CCNYL1: variants seen among roughly 807,000 people sequenced by gnomAD.
The protein encoded by CCNYL1 is cyclin Y like 1.
CCNYL1 carries 16 observed loss-of-function variants against 44.2 expected under a neutral mutation model. The observed-to-expected ratio is 0.36, with a 90% confidence interval of 0.25 to 0.55. The LOEUF (loss-of-function observed/expected upper bound fraction) is 0.55, where lower values mean the gene tolerates loss of function less well. Among genes scored for constraint, CCNYL1 ranks in the 20% least tolerant of loss-of-function variants. The pLI is 0.85. For synonymous variants in CCNYL1, 159 were observed against 163.2 expected, an observed-to-expected ratio of 0.97 and a Z score of 0.20; for missense variants, 348 against 451.8, an observed-to-expected ratio of 0.77 and a Z score of 2.08.
At chr2:207,714,312 C>CTT (rs60004559) in intron 1 of CCNYL1, 4,018 of 308,620 alleles carry the variant, frequency 0.013, 2 homozygotes, top group South Asian at 0.016. Context: ...ACTTACATCT[C>CTT]TTTTTTTTTT....
chr2:207,720,604 G>T (rs1456213879), intron 1 of CCNYL1, among the ~76,000 whole-genome samples: 1 of 151,838 alleles, frequency 6.6e-6, no homozygotes, highest in Non-Finnish European at 1.5e-5. Flanking sequence ...TAGAGATGGG[G>T]GTCTCACTAT....
intron 1 of CCNYL1, among the ~76,000 whole-genome samples, chr2:207,718,339 C>T (rs949458630): frequency 5.3e-5 from 8 of 152,168 alleles, no homozygotes; most frequent in Admixed American, 3.3e-4. Context: ...TGCTGAGACC[C>T]TGCCTCTACA....
At chr2:207,733,796 A>G in intron 3 of CCNYL1, 151 bp from the exon 4 acceptor site, 2 of 520,938 alleles carry the variant, frequency 3.8e-6, no homozygotes, top group East Asian at 3.0e-5. Flanking sequence ...TGGGTTTCCC[A>G]TAGAGCTGCA....
intron 1 of CCNYL1, among the ~76,000 whole-genome samples, chr2:207,719,457 C>T (rs757745230): frequency 3.4e-4 from 51 of 151,810 alleles, no homozygotes; most frequent in Non-Finnish European, 6.2e-4. Context: ...TGTGCCACCA[C>T]GCCCAGCTAA....
chr2:207,734,869 A>G (rs368982125), intron 4 of CCNYL1, among the ~76,000 whole-genome samples: 1 of 152,166 alleles, frequency 6.6e-6, no homozygotes, highest in Admixed American at 6.5e-5. Flanking sequence ...ACTTAAAACA[A>G]TAGTTGAAAT....
chr2:207,714,975 A>G (rs2091582229), intron 1 of CCNYL1, among the ~76,000 whole-genome samples: 1 of 152,204 alleles, frequency 6.6e-6, no homozygotes. Context: ...TCTTACTGAG[A>G]TGTAAAACAT....
chr2:207,747,496 A>C (rs2091862403), intron 8 of CCNYL1, among the ~76,000 whole-genome samples: 1 of 145,124 alleles, frequency 6.9e-6, no homozygotes, highest in South Asian at 2.3e-4. Context: ...TTTTTGGCAA[A>C]AATCTTACAA....
At chr2:207,724,363 C>G (rs2091663924) in intron 1 of CCNYL1, among the ~76,000 whole-genome samples, 1 of 152,194 alleles carries the variant, frequency 6.6e-6, no homozygotes, top group Non-Finnish European at 1.5e-5. Flanking sequence ...CCAAAAACAA[C>G]TCTTTGTTTT....
At position 207,755,966 on chromosome 2, in the gene CCNYL1, A is replaced by G. The variant is rs1321891016; in HGVS notation, c.*2268A>G. The G allele has an allele frequency of 1.3e-5, 2 of 152,262 alleles. No homozygotes were observed. Among genetic ancestry groups the G allele is most frequent in the East Asian group, 3.9e-4 (2 of 5,190 alleles). 9.4% of individuals were successfully genotyped at this position (152,262 alleles called of 1,614,324 possible). A position where few individuals can be genotyped will look rare whatever the true frequency, so the allele number is the denominator to read the frequency against. The stretch of plus-strand genomic sequence containing the variant: ...ATCATATTGTGCTGCAGTTTCCATC[A>G]TTTTTAAAGGACAGAGACATAAATG... On this transcript the variant is annotated 3_prime_UTR_variant, in exon 10 of 10. Transcript: ENST00000295414.
At position 207,729,256 on chromosome 2, in the gene CCNYL1, CCCCGCCCCCACCCCACCCCCCCCA is replaced by C. The variant is rs1401135924; in HGVS notation, c.330+2384_330+2407del. Among the ~76,000 whole-genome samples, 203 of 102,628 alleles carry C rather than the reference CCCCGCCCCCACCCCACCCCCCCCA, an allele frequency of 2.0e-3. 3 individuals are homozygous for C. Among genetic ancestry groups the C allele is most frequent in the South Asian group, 3.8e-3 (7 of 1,862 alleles). The allele number at this position is 102,628 out of a possible 152,430, so 67.3% of individuals were successfully genotyped here. ...TTGATCTTTACTTGTCTCCGCCCCC[CCCCGCCCCCACCCCACCCCCCCCA>C]CCCCCCCGCACTCTCCCATTTTCTA... On this transcript the variant is annotated intron_variant, in intron 3 of 9. Transcript: ENST00000295414.
intron 1 of CCNYL1, 65 bp downstream of exon 1, chr2:207,712,181 C>A: frequency 7.2e-7 from 1 of 1,384,088 alleles, no homozygotes. Flanking sequence ...CCCCAGAGTC[C>A]CCCGGGAGGC....
At chr2:207,736,773 A>T (rs1292733358) in intron 4 of CCNYL1, among the ~76,000 whole-genome samples, 4 of 152,210 alleles carry the variant, frequency 2.6e-5, no homozygotes, top group Admixed American at 2.0e-4. Context: ...AAAACCAAAT[A>T]GTTTAAATTT....
intron 8 of CCNYL1, chr2:207,750,672 A>G: frequency 3.3e-6 from 1 of 302,638 alleles, no homozygotes. Flanking sequence ...TATGAATTGT[A>G]CAGCTGCACT....
intron 1 of CCNYL1, among the ~76,000 whole-genome samples, chr2:207,722,353 A>C (rs1368893230): frequency 6.6e-6 from 1 of 151,800 alleles, no homozygotes; most frequent in Non-Finnish European, 1.5e-5. Context: ...GATTACAGGC[A>C]TGAGCCACCA....
chr2:207,740,956 A>G (rs1157602287), intron 6 of CCNYL1, among the ~76,000 whole-genome samples: 1 of 152,132 alleles, frequency 6.6e-6, no homozygotes, highest in Non-Finnish European at 1.5e-5. Context: ...GTTACAGGAA[A>G]CTAAAGATAT....
intron 3 of CCNYL1, among the ~76,000 whole-genome samples, chr2:207,730,460 A>G (rs2091718128): frequency 6.6e-6 from 1 of 152,140 alleles, no homozygotes; most frequent in South Asian, 2.1e-4. Flanking sequence ...AAGATTTATT[A>G]AAAGTCATCT....
chr2:207,716,064 TA>T (rs1559163646), intron 1 of CCNYL1, among the ~76,000 whole-genome samples: 1 of 152,214 alleles, frequency 6.6e-6, no homozygotes, highest in Admixed American at 6.5e-5. Flanking sequence ...TATTTAACGG[TA>T]TGTCTAACAT....
At chr2:207,748,330 T>TG (rs2091869594) in intron 8 of CCNYL1, among the ~76,000 whole-genome samples, 1 of 152,176 alleles carries the variant, frequency 6.6e-6, no homozygotes, top group Non-Finnish European at 1.5e-5. Context: ...AGCACCACTT[T>TG]GGGGGCCTTG....
At chr2:207,736,852 A>G (rs984735558) in intron 4 of CCNYL1, among the ~76,000 whole-genome samples, 3 of 152,112 alleles carry the variant, frequency 2.0e-5, no homozygotes, top group African/African-American at 4.8e-5. Flanking sequence ...GCAAATGGGG[A>G]TATATGTAAT....
Sources: allele counts gnomAD v4.1 joint callset (sites outside exome capture counted in the v4.1 genomes callset), GRCh38; gene constraint gnomAD v4.1.1; transcripts MANE v1.5; gene names NCBI Gene and HGNC (gene_info 2026-07-23, HGNC 2026-07-21).